Variants in MMP13 observed in about 807,000 individuals in gnomAD.
MMP13 encodes collagenase 3.
MMP13 carries 45 observed loss-of-function variants against 52.1 expected under a neutral mutation model. That is an observed-to-expected ratio of 0.86 (90% confidence interval 0.68 to 1.11). MMP13 has a LOEUF of 1.11. MMP13 is among the 50% of genes least tolerant of loss of function. The pLI is 0.00. For missense variants in MMP13, 576 were observed against 583.8 expected (o/e 0.99, Z 0.14); for synonymous variants, 200 against 204.4 (o/e 0.98, Z 0.18).
At chr11:102,951,256 G>A (rs948495982) in intron 5 of MMP13, among the ~76,000 whole-genome samples, 2 of 152,128 alleles carry the variant, frequency 1.3e-5, no homozygotes, top group Non-Finnish European at 2.9e-5. Context: ...GATTGGACTG[G>A]TTGAAAGAGT....
In MMP13 at chr11:102,943,107, A is replaced by G. The variant is rs1250153964; in HGVS notation, c.*1159T>C. The G allele has an allele frequency of 6.6e-6, 1 of 152,212 alleles. No homozygotes were observed. The highest frequency in any genetic ancestry group is 2.4e-5 in the African/African-American group (1 of 41,454). 9.4% of individuals were successfully genotyped at this position (152,212 alleles called of 1,614,324 possible). On this transcript the variant is annotated 3_prime_UTR_variant, in exon 10 of 10. Transcript: ENST00000260302. ...TTTTATCAACAGTGTCTCTGAGCAC[A>G]ATAGTTCTTCCCTTGATGGCCGATC... is the stretch of plus-strand genomic sequence containing the variant.
intron 4 of MMP13, 41 bp downstream of exon 4, chr11:102,954,115 A>G: frequency 6.2e-7 from 1 of 1,608,012 alleles, no homozygotes; most frequent in Non-Finnish European, 8.5e-7. Flanking sequence ...TCACTGTCTA[A>G]TCTAATAACA....
At position 102,952,871 on chromosome 11, in the gene MMP13, AAAG is replaced by A. The variant is rs1205821708; in HGVS notation, c.638-701_638-699del. On this transcript the variant is annotated intron_variant, in intron 4 of 9. Coordinates refer to ENST00000260302, the MANE Select transcript of MMP13 (RefSeq NM_002427.4). The surrounding 1 kb of genome is among the most constrained non-coding windows in gnomAD (Gnocchi z 4.3). ...TAATGCAGGTATTTCAAACTGGAAA[AAAG>A]AAAATAAAAAACTAAAAGAAAAATA... Among the ~76,000 whole-genome samples the A allele has an allele frequency of 6.6e-6, 1 of 152,176 alleles. No homozygotes were observed. Among genetic ancestry groups the A allele is most frequent in the East Asian group, 1.9e-4 (1 of 5,198 alleles).
At position 102,947,985 on chromosome 11, in the gene MMP13, G is replaced by T. The variant is rs112373498; in HGVS notation, c.1117C>A (p.Leu373Met). 64 of 1,613,834 alleles carry T rather than the reference G, an allele frequency of 4.0e-5. No individual in the cohort carries two copies. In the African/African-American group the frequency reaches 7.2e-4, roughly 18 times the overall value. The change falls in exon 8 of 10, where the codon CTG becomes ATG. Residue 373 changes from leucine (L) to methionine (M), a missense_variant. Physicochemically the swap from Leu to Met is conservative, Grantham distance 15. Transcript: ENST00000260302. The part of the protein sequence containing the change: ...LEGYPKKISE[L>M]GLPKEVKKIS... ...TTCTTAACTTCTTTTGGAAGACCCA[G>T]TTCAGATATTTTTTTGGGATAACCT...
chr11:102,950,808 TAATA>T (rs1267454725), intron 5 of MMP13, among the ~76,000 whole-genome samples: 1 of 152,174 alleles, frequency 6.6e-6, no homozygotes. Context: ...TATATAATAA[TAATA>T]ATCCTACACT....
rs1200183348 is a variant in MMP13 at position 102,952,911 on chromosome 11, G to A, written c.638-738C>T. Reference sequence around the variant, plus strand: ...CTAAAAGAAAAATAAGAAGTGCAAGGCAATAGGATTGTTGTTACCTGTGCT... The same window carrying A: ...CTAAAAGAAAAATAAGAAGTGCAAGACAATAGGATTGTTGTTACCTGTGCT... On this transcript the variant is annotated intron_variant, in intron 4 of 9. Transcript: ENST00000260302. This position sits in a 1 kb window ranked among gnomAD's most constrained non-coding sequence, Gnocchi z 4.3. Among the ~76,000 whole-genome samples, 1 of 152,108 alleles carries A rather than the reference G, an allele frequency of 6.6e-6. No homozygotes were observed. The highest frequency in any genetic ancestry group is 2.4e-5 in the African/African-American group (1 of 41,426).
rs1565252230 is a variant in MMP13 at position 102,944,043 on chromosome 11, T to C, written c.*223A>G. On this transcript the variant is annotated 3_prime_UTR_variant, in exon 10 of 10. Transcript: ENST00000260302. Reference sequence around the variant, plus strand: ...CATTGCTTTTGTACAGCAACAAGAATCAGATGCTCTTTAGAGATCCTCCAT... The same window carrying C: ...CATTGCTTTTGTACAGCAACAAGAACCAGATGCTCTTTAGAGATCCTCCAT... The C allele has an allele frequency of 2.0e-6, 1 of 495,586 alleles. No homozygotes were observed. The highest frequency in any genetic ancestry group is 4.1e-5 in the East Asian group (1 of 24,294). 30.7% of individuals were successfully genotyped at this position (495,586 alleles called of 1,614,324 possible).
Position 102,947,885 on chromosome 11 carries a change from C to G in MMP13, c.1211+6G>C. The G allele has an allele frequency of 6.2e-7, 1 of 1,613,826 alleles. No homozygotes were observed. The highest frequency in any genetic ancestry group is 8.5e-7 in the Non-Finnish European group (1 of 1,179,800). ...ACAGATGGGTCAGTACCTACTGCTG[C>G]CATACCTCCAGACCTGGTTTCCTGA... On this transcript the variant is annotated splice_donor_region_variant and intron_variant, in intron 8 of 9. Transcript: ENST00000260302.
chr11:102,950,679 T>G, intron 5 of MMP13, among the ~76,000 whole-genome samples: 1 of 152,150 alleles, frequency 6.6e-6, no homozygotes, highest in East Asian at 1.9e-4. Context: ...TTCACCAGTT[T>G]GCCATGGTGC....
Position 102,949,815 on chromosome 11 carries a change from A to G in MMP13, c.917+295T>C, listed in dbSNP as rs1212120492. On this transcript the variant is annotated intron_variant, in intron 6 of 9. Coordinates refer to ENST00000260302, the MANE Select transcript of MMP13 (RefSeq NM_002427.4). The surrounding 1 kb of genome is among the most constrained non-coding windows in gnomAD (Gnocchi z 4.2). The stretch of plus-strand genomic sequence containing the variant: ...ATTTATTAATACAGCAGTTACTTTC[A>G]ATGCTTGTCTGTTTTTAAAACAAAT... 1.3e-5 allele frequency among the ~76,000 whole-genome samples: 2 copies of G among 152,150 alleles called. No homozygotes were observed. The highest frequency in any genetic ancestry group is 6.6e-5 in the Admixed American group (1 of 15,256).
Position 102,955,344 on chromosome 11 carries a change from G to A in MMP13, c.270C>T (p.Val90=). ...TGKLDDNTLD[V]MKKPRCGVPD... ...GAACCCCGCATCTTGGCTTTTTCATGACATCTAAGGTGTTATCGTCAAGTT... is the reference window on the plus strand; with the variant it reads ...GAACCCCGCATCTTGGCTTTTTCATAACATCTAAGGTGTTATCGTCAAGTT... Residue 90 remains valine, a synonymous_variant, in exon 2 of 10, where the codon GTC becomes GTT. Transcript: ENST00000260302. The surrounding 1 kb of genome is among the most constrained non-coding windows in gnomAD (Gnocchi z 4.9). 6.2e-7 allele frequency: 1 copy of A among 1,613,992 alleles called. No individual in the cohort carries two copies. Among genetic ancestry groups the A allele is most frequent in the South Asian group, 1.1e-5 (1 of 91,064 alleles).
At chr11:102,948,727 T>C (rs1860557046) in intron 7 of MMP13, among the ~76,000 whole-genome samples, 1 of 152,150 alleles carries the variant, frequency 6.6e-6, no homozygotes, top group South Asian at 2.1e-4. Flanking sequence ...TCAGAATATA[T>C]TGGTATAATG....
At position 102,947,918 on chromosome 11, in the gene MMP13, A is replaced by G; in HGVS notation, c.1184T>C (p.Leu395Pro). The change falls in exon 8 of 10, where the codon CTC (leucine) becomes CCC (proline). Residue 395 changes from leucine to proline, a missense_variant. Physicochemically the swap from Leu to Pro is moderately conservative, Grantham distance 98. Transcript: ENST00000260302. ...CCAGACCTGGTTTCCTGAGAACAGGAGAGTCTTGCCTGTATCCTCAAAGTG... is the reference window on the plus strand; with the variant it reads ...CCAGACCTGGTTTCCTGAGAACAGGGGAGTCTTGCCTGTATCCTCAAAGTG... The part of the protein sequence containing the change: ...AVHFEDTGKT[L>P]LFSGNQVWRY... 6.2e-7 allele frequency: 1 copy of G among 1,613,982 alleles called. No individual in the cohort carries two copies. The highest frequency in any genetic ancestry group is 8.5e-7 in the Non-Finnish European group (1 of 1,179,886).
chr11:102,954,123 A>G, intron 4 of MMP13, 33 bp downstream of exon 4: 1 of 1,611,576 alleles, frequency 6.2e-7, no homozygotes, highest in Non-Finnish European at 8.5e-7. Context: ...TAATCTAATA[A>G]CACATAAATG....
chr11:102,946,038 C>T (rs1049003699), intron 8 of MMP13, among the ~76,000 whole-genome samples: 5 of 152,212 alleles, frequency 3.3e-5, no homozygotes, highest in African/African-American at 1.2e-4. Flanking sequence ...TCATTAGGAA[C>T]ATGTTCTTAA....
At position 102,955,608 on chromosome 11, in the gene MMP13, T is replaced by A. The variant is rs777270631; in HGVS notation, c.98A>T (p.Glu33Val). The stretch of plus-strand genomic sequence containing the variant: ...TACCTCTGCAAACTGGAGGTCTTCC[T>A]CAGACAAATCATCTTCATCACCACC... ...PSGGDEDDLS[E>V]EDLQFAERYL... The change falls in exon 1 of 10, where the codon GAG becomes GTG. Residue 33 changes from glutamate to valine, a missense_variant. Coordinates refer to ENST00000260302, the MANE Select transcript of MMP13 (RefSeq NM_002427.4). This position sits in a 1 kb window ranked among gnomAD's most constrained non-coding sequence, Gnocchi z 4.9. The A allele has an allele frequency of 2.9e-5, 46 of 1,613,996 alleles. No homozygotes were observed. The highest frequency in any genetic ancestry group is 3.9e-5 in the Non-Finnish European group (46 of 1,179,900).
rs1860673311 is a variant in MMP13, at chr11:102,955,005, A to G, written c.362+247T>C. Among the ~76,000 whole-genome samples the G allele has an allele frequency of 1.3e-5, 2 of 152,122 alleles. No homozygotes were observed. On this transcript the variant is annotated intron_variant, in intron 2 of 9. Transcript: ENST00000260302. The surrounding 1 kb of genome is among the most constrained non-coding windows in gnomAD (Gnocchi z 4.9). ...TACACCTAATGTACTATGTTTGCAA[A>G]TTTTCTTTAACCTACTTTTATTTCT...
rs1348810441 is a variant in MMP13 at position 102,955,582 on chromosome 11, C to T, written c.120+4G>A. Reference sequence around the variant, plus strand: ...GCATCATCAGGATTGGCAAGATACTCTACCTCTGCAAACTGGAGGTCTTCC... The same window carrying T: ...GCATCATCAGGATTGGCAAGATACTTTACCTCTGCAAACTGGAGGTCTTCC... On this transcript the variant is annotated splice_donor_region_variant and intron_variant, in intron 1 of 9. Transcript: ENST00000260302. The surrounding 1 kb of genome is among the most constrained non-coding windows in gnomAD (Gnocchi z 4.9). The T allele has an allele frequency of 6.2e-7, 1 of 1,614,006 alleles. No homozygotes were observed. Among genetic ancestry groups the T allele is most frequent in the East Asian group, 2.2e-5 (1 of 44,882 alleles).
intron 7 of MMP13, 55 bp downstream of exon 7, chr11:102,948,970 A>C: frequency 4.4e-6 from 7 of 1,608,196 alleles, no homozygotes; most frequent in Non-Finnish European, 6.0e-6. Context: ...AGTGGCATCA[A>C]ATTCAGCACT....
Sources: gnomAD v4.1 joint callset for allele counts (sites outside exome capture counted in the v4.1 genomes callset) on GRCh38, gnomAD v4.1.1 for gene constraint, Gnocchi (gnomAD v3.1) non-coding constraint, MANE v1.5 for transcripts, NCBI Gene and HGNC (gene_info 2026-07-23, HGNC 2026-07-21) for gene names.